GPR137C: variants seen among roughly 807,000 people sequenced by gnomAD.
GPR137C encodes integral membrane protein GPR137C.
GPR137C carries 27 observed loss-of-function variants against 43.4 expected under a neutral mutation model. The ratio of observed to expected loss-of-function variants is 0.62; its 90% CI spans 0.46 to 0.86. The LOEUF (loss-of-function observed/expected upper bound fraction) is 0.86, where lower values mean the gene tolerates loss of function less well. Among genes scored for constraint, GPR137C ranks in the 40% least tolerant of loss-of-function variants. The pLI, the probability that GPR137C is intolerant of heterozygous loss-of-function variation, is 0.00. For missense variants in GPR137C, 522 were observed against 534.6 expected, an observed-to-expected ratio of 0.98 and a Z score of 0.23; for synonymous variants, 285 against 226.9, an observed-to-expected ratio of 1.26 and a Z score of -2.30.
At chr14:52,595,143 AACCCC>A (rs2038836330) in intron 1 of GPR137C, among the ~76,000 whole-genome samples, 2 of 152,112 alleles carry the variant, frequency 1.3e-5, no homozygotes. Flanking sequence ...TTGAATATTG[AACCCC>A]ACTCTTTTCT....
rs61747576 is a variant in GPR137C, at chr14:52,633,881, C to T, written c.1047C>T (p.Phe349=). 1,637 of 1,612,766 alleles carry T rather than the reference C, an allele frequency of 1.0e-3. 20 individuals carry two copies. The African/African-American group carries it at 0.019, about 19-fold the overall frequency. ...GTTATAGTTCCAGAGCTTACTTTTT[C>T]GACAATCCAAGACGATATGATAGTG... ...SHSYSSRAYF[F]DNPRRYDSDD... Residue 349 remains phenylalanine (F), a synonymous_variant, in exon 6 of 7, where the codon TTC becomes TTT. Transcript: ENST00000321662.
At position 52,553,405 on chromosome 14, in the gene GPR137C, C is replaced by G. The variant is rs780707768; in HGVS notation, c.258C>G (p.Leu86=). 1.9e-5 allele frequency: 30 copies of G among 1,608,386 alleles called. No homozygotes were observed. The highest frequency in any genetic ancestry group is 2.4e-5 in the Non-Finnish European group (28 of 1,179,778). The change falls in exon 1 of 7, where the codon CTC becomes CTG. Residue 86 remains leucine, a synonymous_variant. Coordinates refer to ENST00000321662, the MANE Select transcript of GPR137C (RefSeq NM_001099652.2). Reference sequence around the variant, plus strand: ...GGCTGAGTTACCAGAGCCTCTGCCTCTTCCTCTGTCTCCTGTGGGCAGCGC... The same window carrying G: ...GGCTGAGTTACCAGAGCCTCTGCCTGTTCCTCTGTCTCCTGTGGGCAGCGC... ...ERRLSYQSLC[L]FLCLLWAALR... is the part of the protein sequence containing the mutation.
intron 3 of GPR137C, among the ~76,000 whole-genome samples, chr14:52,613,903 G>A (rs573012704): frequency 6.6e-6 from 1 of 152,080 alleles, no homozygotes; most frequent in African/African-American, 2.4e-5. Context: ...TGGTAGCTCT[G>A]TTTTTAGTTT....
Position 52,568,275 on chromosome 14 carries a change from G to A in GPR137C, c.444+14684G>A, listed in dbSNP as rs187529952. 3.0e-3 allele frequency among the ~76,000 whole-genome samples: 454 copies of A among 152,290 alleles called. 1 individual carries two copies. Among genetic ancestry groups the A allele is most frequent in the Non-Finnish European group, 4.6e-3 (310 of 68,014 alleles). On this transcript the variant is annotated intron_variant, in intron 1 of 6. Coordinates refer to ENST00000321662, the MANE Select transcript of GPR137C (RefSeq NM_001099652.2). ...TTGAAAAATGGTGCATTCCAGCTCA[G>A]ATACTATGCTTTTTCCACGGTCTTC...
chr14:52,557,727 CA>C (rs2038216012), intron 1 of GPR137C, among the ~76,000 whole-genome samples: 1 of 152,180 alleles, frequency 6.6e-6, no homozygotes, highest in Non-Finnish European at 1.5e-5. Flanking sequence ...TTTGTCTTCA[CA>C]ACCCCCATGA....
chr14:52,612,447 T>G, intron 3 of GPR137C: 1 of 983,384 alleles, frequency 1.0e-6, no homozygotes, highest in African/African-American at 1.7e-5. Flanking sequence ...AAATCAGTTT[T>G]GTTTTGCTTT....
chr14:52,584,866 G>A (rs2038692843), intron 1 of GPR137C, among the ~76,000 whole-genome samples: 1 of 152,092 alleles, frequency 6.6e-6, no homozygotes, highest in Admixed American at 6.6e-5. Flanking sequence ...CTCCCAAAGT[G>A]CTGGGATTTC....
chr14:52,602,650 C>G (rs926547737), intron 3 of GPR137C, among the ~76,000 whole-genome samples: 25 of 152,134 alleles, frequency 1.6e-4, no homozygotes, highest in Non-Finnish European at 2.9e-4. Flanking sequence ...AAAGACCTCA[C>G]TTAATCTTTC....
chr14:52,591,786 T>A (rs761414045), intron 1 of GPR137C, among the ~76,000 whole-genome samples: 2 of 152,234 alleles, frequency 1.3e-5, no homozygotes, highest in African/African-American at 4.8e-5. Context: ...GCCTGTTCAC[T>A]CTGATGACAG....
rs770311787 is a variant in GPR137C at position 52,633,687 on chromosome 14, C to T, written c.993+32C>T. ...TATAATATTCCCCAATGCCTGTTCT[C>T]CTATTTTTAAAAATTATGGAACATT... On this transcript the variant is annotated intron_variant, in intron 5 of 6. Transcript: ENST00000321662. The T allele has an allele frequency of 2.1e-5, 34 of 1,603,400 alleles. No individual in the cohort carries two copies. The Admixed American group carries it at 4.4e-4, about 21-fold the overall frequency.
At chr14:52,588,528 A>T (rs2038740703) in intron 1 of GPR137C, among the ~76,000 whole-genome samples, 1 of 152,226 alleles carries the variant, frequency 6.6e-6, no homozygotes, top group Non-Finnish European at 1.5e-5. Flanking sequence ...AGAATGCAAC[A>T]TCATCACTTC....
At chr14:52,575,128 A>G (rs77218087) in intron 1 of GPR137C, among the ~76,000 whole-genome samples, 8,453 of 152,326 alleles carry the variant, frequency 0.055, 267 homozygotes, top group Middle Eastern at 0.075. Context: ...TGAACAGTTC[A>G]TAGTAATTAG....
chr14:52,625,920 T>C (rs988074446), intron 3 of GPR137C, among the ~76,000 whole-genome samples: 37 of 152,096 alleles, frequency 2.4e-4, no homozygotes, highest in African/African-American at 7.7e-4. Context: ...TTGACAAAGA[T>C]AGAGTGGCAG....
chr14:52,581,491 G>A (rs892463394), intron 1 of GPR137C, among the ~76,000 whole-genome samples: 5 of 150,744 alleles, frequency 3.3e-5, no homozygotes, highest in East Asian at 1.9e-4. Context: ...AGCTGAGATC[G>A]CACCACTGCA....
intron 3 of GPR137C, among the ~76,000 whole-genome samples, chr14:52,610,355 G>A (rs1474168428): frequency 2.0e-5 from 3 of 152,142 alleles, no homozygotes; most frequent in Non-Finnish European, 4.4e-5. Flanking sequence ...GACAAGGGTA[G>A]TCTCCCCTTA....
Position 52,553,258 on chromosome 14 carries a change from A to C in GPR137C, c.111A>C (p.Ser37=). 1 of 1,387,496 alleles carries C rather than the reference A, an allele frequency of 7.2e-7. No individual in the cohort carries two copies. Among genetic ancestry groups the C allele is most frequent in the South Asian group, 1.6e-5 (1 of 64,068 alleles). 85.9% of individuals were successfully genotyped at this position (1,387,496 alleles called of 1,614,324 possible). The change falls in exon 1 of 7, where the codon TCA becomes TCC. Residue 37 remains serine (S), a synonymous_variant. Transcript: ENST00000321662. Reference sequence around the variant, plus strand: ...GCGGAGGCGCCGTCGCTGCAGCCTCAGGCGCCGCGGTGCCGGGCTCCGTGC... The same window carrying C: ...GCGGAGGCGCCGTCGCTGCAGCCTCCGGCGCCGCGGTGCCGGGCTCCGTGC... The part of the protein sequence containing the change: ...SGGGGAVAAA[S]GAAVPGSVQL...
chr14:52,591,907 C>T (rs752005084), intron 1 of GPR137C, among the ~76,000 whole-genome samples: 77 of 152,164 alleles, frequency 5.1e-4, no homozygotes, highest in Admixed American at 1.2e-3. Flanking sequence ...CCCATGCCTA[C>T]GTCCTGAATG....
chr14:52,584,754 G>T (rs1228860388), intron 1 of GPR137C, among the ~76,000 whole-genome samples: 1 of 152,080 alleles, frequency 6.6e-6, no homozygotes, highest in Non-Finnish European at 1.5e-5. Context: ...AGGACGATAG[G>T]TGTGGTTATA....
At chr14:52,609,357 T>C (rs1594801464) in intron 3 of GPR137C, among the ~76,000 whole-genome samples, 1 of 152,242 alleles carries the variant, frequency 6.6e-6, no homozygotes, top group Non-Finnish European at 1.5e-5. Flanking sequence ...TTAAAACAGC[T>C]ATTTAAAATT....
Sources: gnomAD v4.1 joint callset for allele counts (sites outside exome capture counted in the v4.1 genomes callset) on GRCh38, gnomAD v4.1.1 for gene constraint, MANE v1.5 for transcripts, NCBI Gene and HGNC (gene_info 2026-07-23, HGNC 2026-07-21) for gene names.